Variants in CALD1 observed in about 807,000 individuals in gnomAD.
The protein encoded by CALD1 is caldesmon 1.
CALD1 carries 33 observed loss-of-function variants against 99.9 expected under a neutral mutation model. The ratio of observed to expected loss-of-function variants is 0.33; its 90% CI spans 0.25 to 0.44. The LOEUF is 0.44. Ranked by LOEUF, CALD1 falls within the 20% of genes least tolerant of loss-of-function variation. CALD1 has a pLI of 1.00. For synonymous variants in CALD1, 310 were observed against 325.0 expected (o/e 0.95, Z 0.50); for missense variants, 861 against 962.1 (o/e 0.89, Z 1.39).
chr7:134,815,436 G>A (rs1053192265), intron 1 of CALD1, among the ~76,000 whole-genome samples: 16 of 152,068 alleles, frequency 1.1e-4, no homozygotes, highest in African/African-American at 3.6e-4. Flanking sequence ...GAAGTTTCCC[G>A]TCATTGTTCT....
At chr7:134,721,755 A>G in the CALD1 span, among the ~76,000 whole-genome samples, 1 of 152,150 alleles carries the variant, frequency 6.6e-6, no homozygotes, top group Non-Finnish European at 1.5e-5. Context: ...TCCTTGCAAC[A>G]TTATTGCTGT....
intron 1 of CALD1, among the ~76,000 whole-genome samples, chr7:134,752,070 C>T (rs1796690053): frequency 6.6e-6 from 1 of 152,162 alleles, no homozygotes; most frequent in Non-Finnish European, 1.5e-5. Context: ...AATATTTTAG[C>T]TCAAGACATA....
the CALD1 span, among the ~76,000 whole-genome samples, chr7:134,719,180 A>G: frequency 6.6e-6 from 1 of 152,202 alleles, no homozygotes; most frequent in Non-Finnish European, 1.5e-5. Context: ...CTTTCAGACC[A>G]AATTATGAAG....
At chr7:134,946,712 G>A (rs530529778) in intron 7 of CALD1, among the ~76,000 whole-genome samples, 3 of 144,486 alleles carry the variant, frequency 2.1e-5, no homozygotes, top group East Asian at 4.0e-4. Flanking sequence ...ACAGAGTCTC[G>A]CTTTGTTGCC....
At chr7:134,895,298 A>ATGTG (rs71172482) in intron 3 of CALD1, among the ~76,000 whole-genome samples, 2,981 of 138,632 alleles carry the variant, frequency 0.022, 69 homozygotes, top group African/African-American at 0.059. Context: ...TTATATATGT[A>ATGTG]TGTGTGTGTG....
At chr7:134,822,739 G>C (rs1452932798) in intron 1 of CALD1, among the ~76,000 whole-genome samples, 2 of 152,086 alleles carry the variant, frequency 1.3e-5, no homozygotes, top group African/African-American at 2.4e-5. Context: ...CAAATCTTCA[G>C]ACAACTTATT....
chr7:134,892,584 G>A (rs1004301956), intron 3 of CALD1, among the ~76,000 whole-genome samples: 1 of 152,108 alleles, frequency 6.6e-6, no homozygotes, highest in African/African-American at 2.4e-5. Flanking sequence ...AACTCATCAG[G>A]GTCCTAAAAA....
chr7:134,929,011 A>G (rs556426201), intron 4 of CALD1, 111 bp downstream of exon 4: 51 of 939,016 alleles, frequency 5.4e-5, no homozygotes, highest in South Asian at 1.8e-4. Context: ...CCCTTTTTCA[A>G]TCTAACTGGT....
chr7:134,753,344 T>G (rs1796701514), intron 1 of CALD1, among the ~76,000 whole-genome samples: 2 of 152,126 alleles, frequency 1.3e-5, no homozygotes, highest in Admixed American at 1.3e-4. Context: ...AAAAATCAGA[T>G]GAAATTGTTC....
At chr7:134,909,966 G>A (rs1033285722) in intron 3 of CALD1, among the ~76,000 whole-genome samples, 3 of 152,018 alleles carry the variant, frequency 2.0e-5, no homozygotes, top group African/African-American at 7.2e-5. Flanking sequence ...GAGCACAAAG[G>A]GACATTGGAC....
intron 1 of CALD1, among the ~76,000 whole-genome samples, chr7:134,784,251 G>T (rs1416246209): frequency 6.6e-6 from 1 of 152,158 alleles, no homozygotes; most frequent in Non-Finnish European, 1.5e-5. Context: ...ATCTCACTTG[G>T]AGAGAAACAT....
intron 3 of CALD1, among the ~76,000 whole-genome samples, chr7:134,886,546 T>C (rs1054307144): frequency 5.3e-5 from 8 of 152,206 alleles, no homozygotes; most frequent in Non-Finnish European, 1.2e-4. Context: ...GGTCAGCTTT[T>C]ATTATGTCCA....
chr7:134,819,869 C>A (rs567051331), intron 1 of CALD1, among the ~76,000 whole-genome samples: 33 of 131,916 alleles, frequency 2.5e-4, no homozygotes, highest in African/African-American at 8.4e-4. Context: ...TAGTGACAAT[C>A]CCATCTCAAA....
chr7:134,800,096 T>C (rs917013022), intron 1 of CALD1, among the ~76,000 whole-genome samples: 2 of 152,138 alleles, frequency 1.3e-5, no homozygotes, highest in Admixed American at 6.5e-5. Flanking sequence ...ATTTAAACAT[T>C]TGCACACAAA....
chr7:134,896,829 C>T (rs1287690568), intron 3 of CALD1, among the ~76,000 whole-genome samples: 3 of 152,184 alleles, frequency 2.0e-5, no homozygotes, highest in Admixed American at 6.5e-5. Context: ...GTCCTCTGTC[C>T]TCTGGAGGCG....
intron 1 of CALD1, among the ~76,000 whole-genome samples, chr7:134,766,141 CTTTTTTTTT>C (rs71172475): frequency 3.5e-4 from 25 of 70,818 alleles, no homozygotes; most frequent in African/African-American, 5.8e-4. Flanking sequence ...CTTTTCTTTT[CTTTTTTTTT>C]TTTTTTTTTT....
chr7:134,954,915 G>C (rs993720457), intron 9 of CALD1, among the ~76,000 whole-genome samples: 21 of 152,146 alleles, frequency 1.4e-4, no homozygotes, highest in African/African-American at 5.1e-4. Flanking sequence ...ATGTAAACCA[G>C]AAACTACTAA....
At chr7:134,777,364 G>T (rs369938327), upstream of CALD1, among the ~76,000 whole-genome samples, 3 of 152,074 alleles carry the variant, frequency 2.0e-5, no homozygotes, top group Admixed American at 6.5e-5. Flanking sequence ...GAGATATCCA[G>T]AATTTATCTA....
chr7:134,891,501 C>T (rs1470297064), intron 3 of CALD1: 1 of 1,480,642 alleles, frequency 6.8e-7, no homozygotes, highest in Middle Eastern at 2.5e-4. Context: ...GAGCATCCTG[C>T]ACCGTGCATT....
Sources: allele counts gnomAD v4.1 joint callset (sites outside exome capture counted in the v4.1 genomes callset), GRCh38; gene constraint gnomAD v4.1.1; transcripts MANE v1.5; gene names NCBI Gene and HGNC (gene_info 2026-07-23, HGNC 2026-07-21).